Variants in SEPTIN9 observed in about 807,000 individuals in gnomAD.
SEPTIN9 encodes the protein septin 9, also known as septin-9.
SEPTIN9 carries 13 observed loss-of-function variants against 56.6 expected under a neutral mutation model. That is an observed-to-expected ratio of 0.23 (90% CI 0.15 to 0.37). SEPTIN9 has a LOEUF of 0.37. Among genes scored for constraint, SEPTIN9 ranks in the 10% least tolerant of loss-of-function variants. The pLI is 1.00. For missense variants in SEPTIN9, 650 were observed against 823.1 expected (o/e 0.79, Z 2.57); for synonymous variants, 332 against 334.1 (o/e 0.99, Z 0.07).
At chr17:77,392,570 G>A (rs2035579429) in intron 2 of SEPTIN9, among the ~76,000 whole-genome samples, 1 of 152,138 alleles carries the variant, frequency 6.6e-6, no homozygotes, top group African/African-American at 2.4e-5. Context: ...CTGCGGACTG[G>A]GCCGGCACTG....
At chr17:77,447,727 C>T (rs1307273668) in intron 3 of SEPTIN9, among the ~76,000 whole-genome samples, 1 of 152,362 alleles carries the variant, frequency 6.6e-6, no homozygotes, top group South Asian at 2.1e-4. Context: ...CGGGTTCAAG[C>T]GATTCTCCTG....
At chr17:77,338,032 A>G (rs1035740824) in intron 2 of SEPTIN9, among the ~76,000 whole-genome samples, 1 of 152,050 alleles carries the variant, frequency 6.6e-6, no homozygotes, top group Non-Finnish European at 1.5e-5. Context: ...CCTCATCTCT[A>G]TTAGAAATAC....
At chr17:77,477,460 G>T (rs1293315602) in intron 3 of SEPTIN9, among the ~76,000 whole-genome samples, 1 of 152,170 alleles carries the variant, frequency 6.6e-6, no homozygotes, top group Non-Finnish European at 1.5e-5. Context: ...CTGTGTTGGC[G>T]CACGCTCGTG....
chr17:77,454,196 ACCTGGAGGCTGACCAC>A (rs1221894803), intron 3 of SEPTIN9: 12 of 985,354 alleles, frequency 1.2e-5, no homozygotes, highest in Middle Eastern at 5.2e-4. Context: ...CTTTGGGAAG[ACCTGGAGGCTGACCAC>A]CCTGGAGGCT....
chr17:77,283,536 A>C (rs2031133708), intron 1 of SEPTIN9, among the ~76,000 whole-genome samples: 1 of 152,064 alleles, frequency 6.6e-6, no homozygotes, highest in Non-Finnish European at 1.5e-5. Flanking sequence ...CATCGACACC[A>C]TGAAATTAAG....
At chr17:77,423,183 A>C (rs1339135121) in intron 3 of SEPTIN9, among the ~76,000 whole-genome samples, 1 of 151,998 alleles carries the variant, frequency 6.6e-6, no homozygotes, top group Non-Finnish European at 1.5e-5. Flanking sequence ...CTACAGGCTC[A>C]CACCACCACA....
intron 2 of SEPTIN9, among the ~76,000 whole-genome samples, chr17:77,338,265 CTT>C (rs903440421): frequency 2.0e-5 from 3 of 152,028 alleles, no homozygotes; most frequent in Non-Finnish European, 4.4e-5. Context: ...ATCATTATGT[CTT>C]TTTGCTAAAA....
intron 10 of SEPTIN9, 26 bp downstream of exon 10, chr17:77,493,102 C>T: frequency 6.6e-7 from 1 of 1,509,292 alleles, no homozygotes; most frequent in Non-Finnish European, 9.0e-7. Context: ...GCCGGGGCTC[C>T]AGACAGATGG....
In SEPTIN9 at chr17:77,451,075, C is replaced by CTCCTCACGGGCA. The variant is rs1157700656; in HGVS notation, c.722-31068_722-31057dup. On this transcript the variant is annotated intron_variant, in intron 3 of 11. Coordinates refer to ENST00000427177, the MANE Select transcript of SEPTIN9 (RefSeq NM_001113491.2). The surrounding 1 kb of genome is among the most constrained non-coding windows in gnomAD (Gnocchi z 4.2). ...TCAGGACCTGGCTGAGAGGAGGGGG[C>CTCCTCACGGGCA]TCCTCACGGGCACCGCCTCTGGCAA... 1 of 154,780 alleles carries CTCCTCACGGGCA rather than the reference C, an allele frequency of 6.5e-6. No homozygotes were observed. Among genetic ancestry groups the CTCCTCACGGGCA allele is most frequent in the Non-Finnish European group, 1.4e-5 (1 of 70,652 alleles). 9.6% of individuals were successfully genotyped at this position (154,780 alleles called of 1,614,324 possible). A position where few individuals can be genotyped will look rare whatever the true frequency, so the allele number is the denominator to read the frequency against.
chr17:77,370,786 A>G (rs312870), intron 2 of SEPTIN9, among the ~76,000 whole-genome samples: 67,541 of 151,664 alleles, frequency 0.45, 15,602 homozygotes, highest in African/African-American at 0.55. Context: ...AGGGGGGTGG[A>G]GGGCCTCCTC....
At chr17:77,346,267 G>A (rs985342796) in intron 2 of SEPTIN9, among the ~76,000 whole-genome samples, 13 of 106,836 alleles carry the variant, frequency 1.2e-4, no homozygotes, top group Non-Finnish European at 2.5e-4. Context: ...TCTTAAAGCA[G>A]ATCCTTAGGT....
chr17:77,466,054 T>TCTCA (rs34621956), intron 3 of SEPTIN9, among the ~76,000 whole-genome samples: 2 of 127,386 alleles, frequency 1.6e-5, no homozygotes, highest in African/African-American at 6.0e-5. Context: ...TTCTGGACTG[T>TCTCA]CACACACACA....
At chr17:77,300,485 G>A (rs2031990868) in intron 1 of SEPTIN9, among the ~76,000 whole-genome samples, 1 of 152,164 alleles carries the variant, frequency 6.6e-6, no homozygotes, top group Non-Finnish European at 1.5e-5. Context: ...CAGAGGCCAA[G>A]GACAGAGGGG....
chr17:77,410,159 G>A (rs561437012), intron 3 of SEPTIN9, among the ~76,000 whole-genome samples: 2 of 152,216 alleles, frequency 1.3e-5, no homozygotes, highest in South Asian at 4.1e-4. Context: ...CTGAACACTG[G>A]GCCCAGGAAG....
chr17:77,314,989 T>A (rs1711509962), intron 2 of SEPTIN9, among the ~76,000 whole-genome samples: 1 of 152,162 alleles, frequency 6.6e-6, no homozygotes, highest in African/African-American at 2.4e-5. Context: ...GGAGCCCAGA[T>A]TGTTGTGAGA....
intron 2 of SEPTIN9, among the ~76,000 whole-genome samples, chr17:77,390,067 G>T (rs1219844873): frequency 6.6e-6 from 1 of 152,160 alleles, no homozygotes; most frequent in Non-Finnish European, 1.5e-5. Flanking sequence ...AGTCGCTGTT[G>T]CCCTCTTGGA....
chr17:77,287,459 G>C (rs1995755), intron 1 of SEPTIN9, among the ~76,000 whole-genome samples: 35 of 152,166 alleles, frequency 2.3e-4, no homozygotes, highest in African/African-American at 8.2e-4. Flanking sequence ...CTCTCCATGT[G>C]GATTTGGTCA....
intron 3 of SEPTIN9, among the ~76,000 whole-genome samples, chr17:77,403,020 G>A (rs1337608056): frequency 6.6e-6 from 1 of 152,146 alleles, no homozygotes; most frequent in African/African-American, 2.4e-5. Flanking sequence ...TGTCCCTGGA[G>A]GGCCTGGGAG....
intron 1 of SEPTIN9, among the ~76,000 whole-genome samples, chr17:77,283,107 T>A (rs1222217808): frequency 6.6e-6 from 1 of 151,692 alleles, no homozygotes; most frequent in East Asian, 1.9e-4. Flanking sequence ...AGACCATCAC[T>A]TGTCCTTTTC....
Sources: allele counts gnomAD v4.1 joint callset (sites outside exome capture counted in the v4.1 genomes callset), GRCh38; gene constraint gnomAD v4.1.1; non-coding constraint Gnocchi (gnomAD v3.1); transcripts MANE v1.5; gene names NCBI Gene and HGNC (gene_info 2026-07-23, HGNC 2026-07-21).